The following E2F3 variants were observed in gnomAD, a reference collection of about 807,000 sequenced individuals.
The protein encoded by E2F3 is transcription factor E2F3.
A neutral mutation model predicts 44.4 loss-of-function variants in E2F3; 11 were observed. The ratio of observed to expected loss-of-function variants is 0.25; its 90% CI spans 0.16 to 0.41. The LOEUF (loss-of-function observed/expected upper bound fraction) is 0.41, where lower values mean the gene tolerates loss of function less well. Ranked by LOEUF, E2F3 falls within the 10% of genes least tolerant of loss-of-function variation. The pLI is 1.00. For missense variants in E2F3, 487 were observed against 583.6 expected (o/e 0.83, Z 1.70); for synonymous variants, 249 against 253.0 (o/e 0.98, Z 0.15).
At chr6:20,410,464 C>T (rs1759635475) in intron 1 of E2F3, among the ~76,000 whole-genome samples, 1 of 152,114 alleles carries the variant, frequency 6.6e-6, no homozygotes, top group South Asian at 2.1e-4. Context: ...TAGTACCTAC[C>T]TTATGGGGTT....
At chr6:20,418,334 C>G (rs1256382892) in intron 1 of E2F3, among the ~76,000 whole-genome samples, 1 of 152,218 alleles carries the variant, frequency 6.6e-6, no homozygotes, top group Non-Finnish European at 1.5e-5. Flanking sequence ...GTGTTGAGCT[C>G]TTTTAAGTCT....
chr6:20,444,670 G>A (rs139104398), intron 1 of E2F3, among the ~76,000 whole-genome samples: 5 of 152,150 alleles, frequency 3.3e-5, no homozygotes, highest in Admixed American at 3.3e-4. Context: ...TACAACTTTT[G>A]TATCCTCACT....
At chr6:20,450,884 G>A (rs934734173) in intron 1 of E2F3, among the ~76,000 whole-genome samples, 3 of 152,086 alleles carry the variant, frequency 2.0e-5, no homozygotes, top group Non-Finnish European at 4.4e-5. Context: ...TGAATAAGTA[G>A]TTCTTTACCC....
chr6:20,481,097 A>T, intron 2 of E2F3, 109 bp from the exon 3 acceptor site: 1 of 985,748 alleles, frequency 1.0e-6, no homozygotes, highest in Non-Finnish European at 1.5e-6. Flanking sequence ...TTCAGATACT[A>T]ATACTTTGGC....
At chr6:20,473,584 A>C (rs985446277) in intron 1 of E2F3, among the ~76,000 whole-genome samples, 1 of 152,196 alleles carries the variant, frequency 6.6e-6, no homozygotes, top group Non-Finnish European at 1.5e-5. Flanking sequence ...TTATACCAAA[A>C]AGGGATATTT....
At position 20,490,520 on chromosome 6, in the gene E2F3, T is replaced by G; in HGVS notation, c.*90T>G. On this transcript the variant is annotated 3_prime_UTR_variant, in exon 7 of 7. Transcript: ENST00000346618. This position sits in a 1 kb window ranked among gnomAD's most constrained non-coding sequence, Gnocchi z 4.3. Reference sequence around the variant, plus strand: ...CATGCAGTGTTGTCCCTTCCTACCTTCTTCCTCCAAGAGAGTATCATGAAG... The same window carrying G: ...CATGCAGTGTTGTCCCTTCCTACCTGCTTCCTCCAAGAGAGTATCATGAAG... 1.1e-5 allele frequency: 15 copies of G among 1,314,140 alleles called. No homozygotes were observed. Among genetic ancestry groups the G allele is most frequent in the Non-Finnish European group, 1.4e-5 (14 of 975,456 alleles). The allele number at this position is 1,314,140 out of a possible 1,614,324, so 81.4% of individuals were successfully genotyped here.
intron 1 of E2F3, among the ~76,000 whole-genome samples, chr6:20,474,576 G>C (rs543800222): frequency 6.6e-6 from 1 of 152,164 alleles, no homozygotes; most frequent in Non-Finnish European, 1.5e-5. Flanking sequence ...CTCACGCTGT[G>C]AACTAACAAA....
intron 1 of E2F3, among the ~76,000 whole-genome samples, chr6:20,436,482 G>C (rs556044080): frequency 0.015 from 1,902 of 123,542 alleles, 36 homozygotes; most frequent in African/African-American, 0.047. Context: ...CACACACAGA[G>C]AGAGAGAGAG....
At chr6:20,462,544 A>G (rs1483735485) in intron 1 of E2F3, among the ~76,000 whole-genome samples, 1 of 148,810 alleles carries the variant, frequency 6.7e-6, no homozygotes, top group Non-Finnish European at 1.5e-5. Context: ...TGCAACCTCC[A>G]TCTCCCAGGT....
chr6:20,490,425 A>AGTTGATTATG lies in E2F3; in HGVS notation c.1394_*5dup. The AGTTGATTATG allele has an allele frequency of 6.4e-7, 1 of 1,568,812 alleles. No homozygotes were observed. Among genetic ancestry groups the AGTTGATTATG allele is most frequent in the Non-Finnish European group, 8.6e-7 (1 of 1,158,604 alleles). ...CCCACTGGTGGAAGACTTCATGTGT[A>AGTTGATTATG]GTTGATTATGCTTCGTGTGAACTCT... On this transcript the variant is annotated stop_gained and frameshift_variant, in exon 7 of 7. Coordinates refer to ENST00000346618, the MANE Select transcript of E2F3 (RefSeq NM_001949.5). LOFTEE classifies it high-confidence loss of function. This position sits in a 1 kb window ranked among gnomAD's most constrained non-coding sequence, Gnocchi z 4.3.
chr6:20,442,171 T>G (rs929937851), intron 1 of E2F3, among the ~76,000 whole-genome samples: 3 of 152,126 alleles, frequency 2.0e-5, no homozygotes, highest in African/African-American at 7.2e-5. Context: ...CCAGCCTGTT[T>G]ATGAGGTGCT....
intron 1 of E2F3, among the ~76,000 whole-genome samples, chr6:20,463,365 A>G (rs181819636): frequency 1.3e-5 from 2 of 152,322 alleles, no homozygotes; most frequent in Admixed American, 1.3e-4. Context: ...CCTGGGCAAC[A>G]TAGTGAAGTC....
At chr6:20,414,336 G>A (rs1759773643) in intron 1 of E2F3, among the ~76,000 whole-genome samples, 1 of 152,142 alleles carries the variant, frequency 6.6e-6, no homozygotes, top group Non-Finnish European at 1.5e-5. Flanking sequence ...GCTGCTGTGA[G>A]AAAGCCCACA....
chr6:20,436,297 C>T (rs918747404), intron 1 of E2F3, among the ~76,000 whole-genome samples: 1 of 152,028 alleles, frequency 6.6e-6, no homozygotes, highest in African/African-American at 2.4e-5. Flanking sequence ...ATTGTCTTTA[C>T]GATAGAGGAA....
At chr6:20,479,016 A>G (rs193137906) in intron 1 of E2F3, among the ~76,000 whole-genome samples, 13 of 152,320 alleles carry the variant, frequency 8.5e-5, no homozygotes, top group Admixed American at 7.8e-4. Context: ...ACTAAGCCCA[A>G]TGCCTAGGTA....
chr6:20,410,123 T>C (rs1055791384), intron 1 of E2F3, among the ~76,000 whole-genome samples: 18 of 152,284 alleles, frequency 1.2e-4, no homozygotes, highest in African/African-American at 4.3e-4. Context: ...GGTCTGTATA[T>C]TTCGTTCCAC....
intron 4 of E2F3, among the ~76,000 whole-genome samples, chr6:20,483,409 T>C (rs1212297998): frequency 6.6e-6 from 1 of 152,194 alleles, no homozygotes; most frequent in Non-Finnish European, 1.5e-5. Context: ...TGAATCTATC[T>C]GATTGGGCTA....
At chr6:20,426,700 C>G (rs1760227000) in intron 1 of E2F3, among the ~76,000 whole-genome samples, 1 of 152,228 alleles carries the variant, frequency 6.6e-6, no homozygotes, top group Non-Finnish European at 1.5e-5. Context: ...CCTCAGCTGA[C>G]TGGGCTTTCC....
chr6:20,452,528 T>C (rs1038520569), intron 1 of E2F3: 5 of 152,234 alleles, frequency 3.3e-5, no homozygotes, highest in Admixed American at 2.0e-4. Flanking sequence ...GCTGCACCAA[T>C]AGAGTGGGTT....
Sources: gnomAD v4.1 joint callset for allele counts (sites outside exome capture counted in the v4.1 genomes callset) on GRCh38, gnomAD v4.1.1 for gene constraint, Gnocchi (gnomAD v3.1) non-coding constraint, MANE v1.5 for transcripts, NCBI Gene and HGNC (gene_info 2026-07-23, HGNC 2026-07-21) for gene names.